Variants in BEST3 observed in about 807,000 individuals in gnomAD.
The protein encoded by BEST3 is bestrophin 3.
In BEST3, 50 loss-of-function variants were observed where a neutral mutation model predicts 47.1. The ratio of observed to expected loss-of-function variants is 1.06; its 90% CI spans 0.85 to 1.34. The LOEUF is 1.34. Among genes scored for constraint, BEST3 ranks in the 40% most tolerant of loss-of-function variants. The pLI, the probability that BEST3 is intolerant of heterozygous loss-of-function variation, is 0.00. For synonymous variants in BEST3, 282 were observed against 298.8 expected (o/e 0.94, Z 0.58); for missense variants, 765 against 817.0 (o/e 0.94, Z 0.78).
chr12:69,679,175 G>A (rs1885096293), intron 4 of BEST3, among the ~76,000 whole-genome samples: 1 of 152,154 alleles, frequency 6.6e-6, no homozygotes, highest in Non-Finnish European at 1.5e-5. Flanking sequence ...ATGTGAACTA[G>A]AACATTTGGG....
downstream of BEST3, among the ~76,000 whole-genome samples, chr12:69,653,158 A>G (rs1243872963): frequency 6.6e-6 from 1 of 152,214 alleles, no homozygotes; most frequent in Non-Finnish European, 1.5e-5. Flanking sequence ...GGGTCCTGCC[A>G]ACTTTTTTCT....
At position 69,653,751 on chromosome 12, in the gene BEST3, G is replaced by T. The variant is rs1883292899; in HGVS notation, c.*1156C>A. 3 of 985,372 alleles carry T rather than the reference G, an allele frequency of 3.0e-6. No individual in the cohort carries two copies. The highest frequency in any genetic ancestry group is 9.4e-5 in the South Asian group (2 of 21,278). 61.0% of individuals were successfully genotyped at this position (985,372 alleles called of 1,614,324 possible). A position where few individuals can be genotyped will look rare whatever the true frequency, so the allele number is the denominator to read the frequency against. On this transcript the variant is annotated 3_prime_UTR_variant, in exon 10 of 10. Transcript: ENST00000330891. The stretch of plus-strand genomic sequence containing the variant: ...AGCTGTCCTGAGAGCTCCCTGGGAG[G>T]AGTACCAACATCCGATCCCCATTAT...
At chr12:69,649,293 G>A (rs1043030769), downstream of BEST3, among the ~76,000 whole-genome samples, 9 of 152,138 alleles carry the variant, frequency 5.9e-5, no homozygotes, top group African/African-American at 1.4e-4. Context: ...CCACTGTGCC[G>A]GATTTGTTGT....
chr12:69,687,031 C>T (rs986352150), intron 4 of BEST3, among the ~76,000 whole-genome samples: 3 of 152,152 alleles, frequency 2.0e-5, no homozygotes, highest in Non-Finnish European at 4.4e-5. Context: ...TGAAAGGTGG[C>T]CTTTCAACCC....
intron 4 of BEST3, chr12:69,683,581 TTACC>T (rs1885379928): frequency 6.6e-6 from 1 of 152,258 alleles, no homozygotes; most frequent in Admixed American, 6.5e-5. Context: ...CATTTGTCTC[TTACC>T]TACCTATGAC....
rs375564180 is a variant in BEST3, at chr12:69,695,812, G to A, written c.153-1348C>T. 3.2e-4 allele frequency among the ~76,000 whole-genome samples: 48 copies of A among 152,120 alleles called. No individual in the cohort carries two copies. In the South Asian group the frequency reaches 9.5e-3, roughly 30 times the overall value. On this transcript the variant is annotated intron_variant, in intron 2 of 9. Transcript: ENST00000330891. ...GCATTGTAAAGATTAAATAATATAT[G>A]TATACATATATATAACCACTTAACA... is the stretch of plus-strand genomic sequence containing the variant.
At chr12:69,681,130 G>A (rs775480) in intron 4 of BEST3, among the ~76,000 whole-genome samples, 45,757 of 151,726 alleles carry the variant, frequency 0.3, 7,356 homozygotes, top group East Asian at 0.49. Flanking sequence ...AGTGTTTTCT[G>A]AATTAAAACT....
intron 7 of BEST3, 114 bp from the exon 8 acceptor site, chr12:69,673,079 A>G (rs973629997): frequency 2.7e-6 from 2 of 746,960 alleles, no homozygotes; most frequent in Admixed American, 2.6e-5. Context: ...TCTAATACGA[A>G]GAGTAGAGGG....
intron 9 of BEST3, chr12:69,660,744 G>A (rs1289482274): frequency 6.6e-6 from 1 of 152,152 alleles, no homozygotes; most frequent in African/African-American, 2.4e-5. Flanking sequence ...GTAAAAGAAG[G>A]AGAAAGAGAA....
At chr12:69,649,154 C>T (rs1448968590), downstream of BEST3, among the ~76,000 whole-genome samples, 6 of 152,262 alleles carry the variant, frequency 3.9e-5, no homozygotes, top group Non-Finnish European at 7.4e-5. Flanking sequence ...CCACCACGCC[C>T]GGCTAATTTT....
At chr12:69,690,634 T>C (rs996026126) in intron 4 of BEST3, among the ~76,000 whole-genome samples, 3 of 152,178 alleles carry the variant, frequency 2.0e-5, no homozygotes, top group African/African-American at 7.2e-5. Flanking sequence ...ATGCACTCTC[T>C]TCATTTCAAG....
At chr12:69,671,354 T>A in intron 9 of BEST3, 74 bp downstream of exon 9, 3 of 1,347,906 alleles carry the variant, frequency 2.2e-6, no homozygotes, top group Non-Finnish European at 3.0e-6. Flanking sequence ...TTCTTTTTTT[T>A]TTTTTATAGA....
rs750482232 is a variant in BEST3, at chr12:69,694,468, G to T, written c.153-4C>A. ...TTGGACTCCTGTAAGTAACAATCTGGAGCAAAAATAAAATGCACAGCCCTT... is the reference window on the plus strand; with the variant it reads ...TTGGACTCCTGTAAGTAACAATCTGTAGCAAAAATAAAATGCACAGCCCTT... On this transcript the variant is annotated splice_polypyrimidine_tract_variant and splice_region_variant and intron_variant, in intron 2 of 9. Transcript: ENST00000330891. The T allele has an allele frequency of 1.2e-5, 18 of 1,564,506 alleles. No individual in the cohort carries two copies. Among genetic ancestry groups the T allele is most frequent in the Non-Finnish European group, 1.6e-5 (18 of 1,144,138 alleles).
At chr12:69,682,378 A>C (rs1487272688) in intron 4 of BEST3, among the ~76,000 whole-genome samples, 1 of 152,166 alleles carries the variant, frequency 6.6e-6, no homozygotes, top group Non-Finnish European at 1.5e-5. Flanking sequence ...CTAGTTTTAG[A>C]TAACACTTGG....
At chr12:69,661,977 G>C (rs1194855058) in intron 9 of BEST3, among the ~76,000 whole-genome samples, 1 of 152,044 alleles carries the variant, frequency 6.6e-6, no homozygotes, top group East Asian at 1.9e-4. Flanking sequence ...AAGAAGTTAT[G>C]GCCAAAAGTG....
intron 9 of BEST3, among the ~76,000 whole-genome samples, chr12:69,665,518 G>A (rs1466807055): frequency 1.3e-5 from 2 of 152,090 alleles, no homozygotes; most frequent in East Asian, 1.9e-4. Context: ...GCTTGAACCC[G>A]GGAAGTGGAG....
chr12:69,684,642 C>T (rs1302254748), intron 4 of BEST3: 1 of 626,432 alleles, frequency 1.6e-6, no homozygotes. Flanking sequence ...AGCATCTGAG[C>T]CCTTCTCCAA....
chr12:69,646,864 C>T (rs999645431), intron 9 of BEST3, among the ~76,000 whole-genome samples: 4 of 152,114 alleles, frequency 2.6e-5, no homozygotes. Flanking sequence ...GTCCAGTAAA[C>T]ATGTGGATTA....
chr12:69,647,942 A>G (rs1013995795), intron 9 of BEST3, among the ~76,000 whole-genome samples: 10 of 152,244 alleles, frequency 6.6e-5, no homozygotes, highest in African/African-American at 2.2e-4. Context: ...AAAAGCAAAG[A>G]AGTTGAAAAG....
Sources: gnomAD v4.1 joint callset for allele counts (sites outside exome capture counted in the v4.1 genomes callset) on GRCh38, gnomAD v4.1.1 for gene constraint, MANE v1.5 for transcripts, NCBI Gene and HGNC (gene_info 2026-07-23, HGNC 2026-07-21) for gene names.